EML6: variants seen among roughly 807,000 people sequenced by gnomAD.
EML6 encodes the protein echinoderm microtubule-associated protein-like 6.
EML6 carries 154 observed loss-of-function variants against 240.1 expected under a neutral mutation model. The observed-to-expected ratio is 0.64, with a 90% confidence interval of 0.56 to 0.73. EML6 has a LOEUF of 0.73. Ranked by LOEUF, EML6 falls within the 30% of genes least tolerant of loss-of-function variation. EML6 has a pLI of 0.00. For synonymous variants in EML6, 1,148 were observed against 899.0 expected, an observed-to-expected ratio of 1.28 and a Z score of -4.95; for missense variants, 2,964 against 2,474.6, an observed-to-expected ratio of 1.20 and a Z score of -4.20.
intron 17 of EML6, among the ~76,000 whole-genome samples, chr2:54,884,649 A>C (rs1455488318): frequency 6.6e-6 from 1 of 152,224 alleles, no homozygotes; most frequent in East Asian, 1.9e-4. Context: ...AGAATTGAAG[A>C]CCACATATGT....
Position 54,844,228 on chromosome 2 carries a change from C to T in EML6, c.1029C>T (p.Gly343=). Residue 343 remains glycine (G), a synonymous_variant, in exon 8 of 42, where the codon GGC becomes GGT. Coordinates refer to ENST00000356458, the MANE Select transcript of EML6 (RefSeq NM_001039753.4). ...CCAAGAAGCCTCTGGCTGTGACAGG[C>T]AGCGATGACCGCTCTGTCAGGTGAG... ...LHPKKPLAVT[G]SDDRSVRLWS... 1 of 1,551,582 alleles carries T rather than the reference C, an allele frequency of 6.4e-7. No homozygotes were observed. The highest frequency in any genetic ancestry group is 8.7e-7 in the Non-Finnish European group (1 of 1,146,882).
At chr2:54,820,208 T>G (rs1451613655) in intron 4 of EML6, among the ~76,000 whole-genome samples, 186 bp from the exon 5 acceptor site, 1 of 152,180 alleles carries the variant, frequency 6.6e-6, no homozygotes. Flanking sequence ...TTAAGGTAAG[T>G]AGATATGAGG....
intron 24 of EML6, among the ~76,000 whole-genome samples, chr2:54,908,168 T>G (rs1368011763): frequency 6.6e-6 from 1 of 152,026 alleles, no homozygotes; most frequent in Non-Finnish European, 1.5e-5. Context: ...CTTCTTGACA[T>G]CCTTGATTGC....
chr2:54,831,701 G>A (rs554860310), intron 7 of EML6, among the ~76,000 whole-genome samples: 4 of 152,194 alleles, frequency 2.6e-5, no homozygotes, highest in Admixed American at 1.3e-4. Flanking sequence ...CTGATAAGGC[G>A]GTAGCCTGCA....
chr2:54,776,145 T>G (rs973743464), intron 2 of EML6, among the ~76,000 whole-genome samples: 1 of 152,170 alleles, frequency 6.6e-6, no homozygotes, highest in Non-Finnish European at 1.5e-5. Flanking sequence ...TGTTGTGTTT[T>G]GTTTTGCCTT....
intron 2 of EML6, among the ~76,000 whole-genome samples, chr2:54,789,332 T>A (rs1669270687): frequency 1.3e-5 from 2 of 151,226 alleles, no homozygotes; most frequent in Admixed American, 6.6e-5. Flanking sequence ...GCTAACACGG[T>A]GAAACCCCGT....
At chr2:54,837,354 C>G (rs957266446) in intron 7 of EML6, among the ~76,000 whole-genome samples, 1 of 152,274 alleles carries the variant, frequency 6.6e-6, no homozygotes, top group Middle Eastern at 3.4e-3. Flanking sequence ...TACAAACTTT[C>G]TATGCTGTTA....
intron 2 of EML6, among the ~76,000 whole-genome samples, chr2:54,781,599 T>C (rs1324845069): frequency 6.6e-6 from 1 of 152,196 alleles, no homozygotes; most frequent in Non-Finnish European, 1.5e-5. Context: ...TCATATCTAA[T>C]ACTAAAAAAC....
intron 5 of EML6, 78 bp from the exon 6 acceptor site, chr2:54,827,488 A>G (rs1668652103): frequency 8.4e-7 from 1 of 1,191,122 alleles, no homozygotes; most frequent in Non-Finnish European, 1.2e-6. Context: ...TGTGAAATGC[A>G]CTGAAGTATA....
At chr2:54,862,191 TAGCC>T in intron 12 of EML6, among the ~76,000 whole-genome samples, 1 of 151,336 alleles carries the variant, frequency 6.6e-6, no homozygotes, top group East Asian at 1.9e-4. Context: ...ATACAAAAAT[TAGCC>T]AGGCAAGGTG....
In EML6 at chr2:54,825,112, T is replaced by C. The variant is rs568767873; in HGVS notation, c.526-2454T>C. Among the ~76,000 whole-genome samples, 4 of 152,324 alleles carry C rather than the reference T, an allele frequency of 2.6e-5. No individual in the cohort carries two copies. In the South Asian group the frequency reaches 8.3e-4, roughly 32 times the overall value. On this transcript the variant is annotated intron_variant, in intron 5 of 41. Transcript: ENST00000356458. ...GTCTGAAGATAATGGGTTCTATTTT[T>C]TGTGACTGTCTGTCTGGAAATATTC...
At chr2:54,925,358 T>G (rs1462195941) in intron 26 of EML6, among the ~76,000 whole-genome samples, 1 of 152,216 alleles carries the variant, frequency 6.6e-6, no homozygotes, top group Non-Finnish European at 1.5e-5. Flanking sequence ...CTAGGGCATT[T>G]TGTTATGGCA....
chr2:54,964,010 G>C lies in EML6; in HGVS notation c.5182G>C (p.Gly1728Arg), dbSNP rs1676640297. The C allele has an allele frequency of 6.4e-7, 1 of 1,551,250 alleles. No homozygotes were observed. Among genetic ancestry groups the C allele is most frequent in the South Asian group, 1.2e-5 (1 of 83,992 alleles). The change falls in exon 37 of 42, where the codon GGC (glycine) becomes CGC (arginine). Residue 1728 changes from glycine (G) to arginine (R), a missense_variant. Physicochemically the swap from Gly to Arg is moderately radical, Grantham distance 125 (BLOSUM62 -2). Transcript: ENST00000356458. Reference protein sequence around the residue: ...DKKLLNKVSLGHAARCAAYSP... With the variant: ...DKKLLNKVSLRHAARCAAYSP... ...GAAGCTGTTAAACAAGGTGAGCTTG[G>C]GCCATGCGGCCAGGTGTGCAGCCTA...
At chr2:54,876,443 C>T (rs1029194051) in intron 16 of EML6, among the ~76,000 whole-genome samples, 1 of 152,146 alleles carries the variant, frequency 6.6e-6, no homozygotes. Flanking sequence ...GGTGGTATAA[C>T]AGTGAGGATA....
intron 28 of EML6, among the ~76,000 whole-genome samples, chr2:54,942,886 C>T (rs760837654): frequency 1.3e-5 from 2 of 152,176 alleles, no homozygotes; most frequent in African/African-American, 4.8e-5. Flanking sequence ...TTCATCAGCC[C>T]TTCCTGGCCT....
intron 32 of EML6, among the ~76,000 whole-genome samples, chr2:54,957,162 T>C (rs1676269082): frequency 6.6e-6 from 1 of 152,100 alleles, no homozygotes; most frequent in African/African-American, 2.4e-5. Context: ...CTTAAATAAT[T>C]TGTCTAAAGT....
At chr2:54,932,750 T>TA (rs1674928776) in intron 28 of EML6, among the ~76,000 whole-genome samples, 1 of 152,238 alleles carries the variant, frequency 6.6e-6, no homozygotes, top group Admixed American at 6.5e-5. Context: ...CAGACTTCGG[T>TA]AAAAACAGTT....
At chr2:54,899,274 T>A (rs1672933033) in intron 21 of EML6, among the ~76,000 whole-genome samples, 1 of 152,204 alleles carries the variant, frequency 6.6e-6, no homozygotes, top group Admixed American at 6.5e-5. Context: ...GCTGCTTTAC[T>A]AGGAGGGTAC....
intron 28 of EML6, among the ~76,000 whole-genome samples, chr2:54,933,623 A>G (rs1190910977): frequency 6.6e-6 from 1 of 152,004 alleles, no homozygotes; most frequent in Non-Finnish European, 1.5e-5. Context: ...AATCTCAGCT[A>G]CTCGGGAGGC....
Sources: gnomAD v4.1 joint callset for allele counts (sites outside exome capture counted in the v4.1 genomes callset) on GRCh38, gnomAD v4.1.1 for gene constraint, MANE v1.5 for transcripts, NCBI Gene and HGNC (gene_info 2026-07-23, HGNC 2026-07-21) for gene names.